ADAMTS12: variants seen among roughly 807,000 people sequenced by gnomAD.
ADAMTS12 encodes the protein ADAM metallopeptidase with thrombospondin type 1 motif 12, also known as A disintegrin and metalloproteinase with thrombospondin motifs 12.
In ADAMTS12, 118 loss-of-function variants were observed where a neutral mutation model predicts 167.8. That is an observed-to-expected ratio of 0.70 (90% confidence interval 0.61 to 0.82). ADAMTS12 has a LOEUF of 0.82. Ranked by LOEUF, ADAMTS12 falls within the 40% of genes least tolerant of loss-of-function variation. The pLI is 0.00. For missense variants in ADAMTS12, 1,916 were observed against 1,998.8 expected (o/e 0.96, Z 0.79); for synonymous variants, 704 against 716.9 (o/e 0.98, Z 0.29).
intron 2 of ADAMTS12, among the ~76,000 whole-genome samples, chr5:33,772,481 C>T (rs1342793183): frequency 6.6e-6 from 1 of 152,164 alleles, no homozygotes; most frequent in African/African-American, 2.4e-5. Flanking sequence ...TCCCAAGGTG[C>T]TGTATTACTC....
Position 33,593,540 on chromosome 5 carries a change from A to G in ADAMTS12, c.2654+2394T>C, listed in dbSNP as rs143088837. Among the ~76,000 whole-genome samples the G allele has an allele frequency of 3.8e-3, 580 of 152,358 alleles. 3 individuals carry two copies. Among genetic ancestry groups the G allele is most frequent in the African/African-American group, 0.013 (559 of 41,576 alleles). ...GTTATGTGGAAACAGCTTGGAAAAT[A>G]GTGCATTCTTAAAAAGTGCTAGTTT... On this transcript the variant is annotated intron_variant, in intron 17 of 23. Transcript: ENST00000504830.
chr5:33,731,185 CTTTT>C (rs761883869), intron 3 of ADAMTS12, among the ~76,000 whole-genome samples: 29 of 147,488 alleles, frequency 2.0e-4, no homozygotes, highest in Admixed American at 5.4e-4. Flanking sequence ...GCTTATCTTT[CTTTT>C]CTTTTTTTTT....
At chr5:33,692,001 A>G (rs1742564743) in intron 3 of ADAMTS12, among the ~76,000 whole-genome samples, 2 of 152,224 alleles carry the variant, frequency 1.3e-5, no homozygotes, top group South Asian at 2.1e-4. Flanking sequence ...GTTTGCATCA[A>G]GTCCTTAAAA....
intron 3 of ADAMTS12, among the ~76,000 whole-genome samples, chr5:33,709,589 G>A (rs1377851047): frequency 6.6e-6 from 1 of 152,056 alleles, no homozygotes; most frequent in African/African-American, 2.4e-5. Flanking sequence ...ATTATCCTCA[G>A]CAAACTAAAG....
At chr5:33,643,306 G>A in intron 10 of ADAMTS12, 72 bp downstream of exon 10, 1 of 1,495,236 alleles carries the variant, frequency 6.7e-7, no homozygotes, top group Non-Finnish European at 9.3e-7. Context: ...GCCCTCTAGG[G>A]CCTTCTCCTC....
At chr5:33,794,303 G>A (rs1019209992) in intron 2 of ADAMTS12, among the ~76,000 whole-genome samples, 2 of 152,186 alleles carry the variant, frequency 1.3e-5, no homozygotes, top group East Asian at 3.9e-4. Context: ...GGAGAAGTCC[G>A]CTTCCTTCAG....
At chr5:33,633,562 A>G (rs1291339474) in intron 12 of ADAMTS12, among the ~76,000 whole-genome samples, 1 of 152,006 alleles carries the variant, frequency 6.6e-6, no homozygotes, top group African/African-American at 2.4e-5. Context: ...GTCATCCTAA[A>G]TGGAAGGTTC....
chr5:33,659,239 GT>G (rs1741170156), intron 6 of ADAMTS12, among the ~76,000 whole-genome samples: 1 of 152,164 alleles, frequency 6.6e-6, no homozygotes, highest in East Asian at 1.9e-4. Context: ...AATGGCTGGG[GT>G]AATAGGACAG....
intron 2 of ADAMTS12, among the ~76,000 whole-genome samples, chr5:33,765,712 C>T (rs1388899994): frequency 6.6e-6 from 1 of 151,320 alleles, no homozygotes; most frequent in Non-Finnish European, 1.5e-5. Context: ...TCTCTGACCA[C>T]AGAAAAAAAA....
intron 19 of ADAMTS12, among the ~76,000 whole-genome samples, chr5:33,564,752 C>A (rs1745928779): frequency 6.6e-6 from 1 of 152,126 alleles, no homozygotes; most frequent in South Asian, 2.1e-4. Context: ...ATCATTCATG[C>A]CTCTCAGACA....
chr5:33,845,163 C>A (rs1289768487), intron 2 of ADAMTS12, among the ~76,000 whole-genome samples: 1 of 152,210 alleles, frequency 6.6e-6, no homozygotes, highest in Non-Finnish European at 1.5e-5. Context: ...CATATACACA[C>A]ATATTCTCTA....
intron 2 of ADAMTS12, among the ~76,000 whole-genome samples, chr5:33,811,420 G>A (rs1301144234): frequency 2.0e-5 from 3 of 152,186 alleles, no homozygotes; most frequent in Non-Finnish European, 4.4e-5. Context: ...GTCACAGCAA[G>A]TCTCACTGAG....
At chr5:33,855,254 G>A (rs1385043798) in intron 2 of ADAMTS12, among the ~76,000 whole-genome samples, 1 of 152,200 alleles carries the variant, frequency 6.6e-6, no homozygotes, top group Non-Finnish European at 1.5e-5. Context: ...CTCAATGGAG[G>A]CACCATCAGA....
intron 2 of ADAMTS12, among the ~76,000 whole-genome samples, chr5:33,776,053 C>T (rs1224098337): frequency 6.6e-6 from 1 of 152,150 alleles, no homozygotes; most frequent in Non-Finnish European, 1.5e-5. Context: ...CACCCAACAT[C>T]ACAGTACCTC....
At chr5:33,710,558 A>C (rs991794783) in intron 3 of ADAMTS12, among the ~76,000 whole-genome samples, 7 of 152,204 alleles carry the variant, frequency 4.6e-5, no homozygotes, top group African/African-American at 1.7e-4. Context: ...AGAAGATATC[A>C]GTGAGCAATA....
intron 5 of ADAMTS12, among the ~76,000 whole-genome samples, chr5:33,670,192 G>A (rs1449553626): frequency 6.6e-6 from 1 of 151,166 alleles, no homozygotes; most frequent in Non-Finnish European, 1.5e-5. Context: ...ATATCATAAA[G>A]AGACACGTCA....
chr5:33,650,792 C>T (rs1740841244), intron 7 of ADAMTS12, among the ~76,000 whole-genome samples: 1 of 152,214 alleles, frequency 6.6e-6, no homozygotes, highest in African/African-American at 2.4e-5. Context: ...CCAGAACTCT[C>T]TCCACTGGGG....
chr5:33,656,412 C>T (rs1178488655), intron 7 of ADAMTS12, among the ~76,000 whole-genome samples: 4 of 152,148 alleles, frequency 2.6e-5, no homozygotes, highest in African/African-American at 9.7e-5. Context: ...GCCTTCCTTA[C>T]AAAGGTGAAG....
intron 2 of ADAMTS12, among the ~76,000 whole-genome samples, chr5:33,761,040 T>C (rs1418115746): frequency 2.0e-5 from 3 of 152,202 alleles, no homozygotes; most frequent in Non-Finnish European, 4.4e-5. Context: ...CCAGGAAACA[T>C]GTTACTAGGG....
Sources: gnomAD v4.1 joint callset for allele counts (sites outside exome capture counted in the v4.1 genomes callset) on GRCh38, gnomAD v4.1.1 for gene constraint, MANE v1.5 for transcripts, NCBI Gene and HGNC (gene_info 2026-07-23, HGNC 2026-07-21) for gene names.